Variants in MELTF observed in about 807,000 individuals in gnomAD.
MELTF encodes antigen p97 (melanoma associated) identified by monoclonal antibodies 133.2 and 96.5.
In MELTF, 67 loss-of-function variants were observed where a neutral mutation model predicts 83.7. That is an observed-to-expected ratio of 0.80 (90% CI 0.66 to 0.98). The LOEUF (loss-of-function observed/expected upper bound fraction) is 0.98, where lower values mean the gene tolerates loss of function less well. MELTF is among the 50% of genes least tolerant of loss of function. MELTF has a pLI of 0.00. For missense variants in MELTF, 1,002 were observed against 1,035.6 expected, an observed-to-expected ratio of 0.97 and a Z score of 0.44; for synonymous variants, 462 against 447.6, an observed-to-expected ratio of 1.03 and a Z score of -0.41.
Position 197,022,167 on chromosome 3 carries a change from G to T in MELTF, c.645-696C>A, listed in dbSNP as rs573502125. 1.3e-5 allele frequency among the ~76,000 whole-genome samples: 2 copies of T among 152,322 alleles called. No individual in the cohort carries two copies. The highest frequency in any genetic ancestry group is 3.9e-4 in the East Asian group (2 of 5,186). On this transcript the variant is annotated intron_variant, in intron 5 of 15. Transcript: ENST00000296350. This position sits in a 1 kb window ranked among gnomAD's most constrained non-coding sequence, Gnocchi z 5.1. ...TGTCACTGCCCAGTGTTGGAGGCAG[G>T]TCAGACCTCCTGGGCAAAGGGTCTG...
Position 197,011,044 on chromosome 3 carries a change from G to A in MELTF, c.1234-250C>T, listed in dbSNP as rs577926998. 6.6e-6 allele frequency among the ~76,000 whole-genome samples: 1 copy of A among 152,260 alleles called. No homozygotes were observed. The highest frequency in any genetic ancestry group is 2.1e-4 in the South Asian group (1 of 4,826). ...ACACCCACGCAGCACTCCTGCGCGT[G>A]GCCACCCAGGGTCCCCTGTGTCCCT... On this transcript the variant is annotated intron_variant, in intron 9 of 15. Coordinates refer to ENST00000296350, the MANE Select transcript of MELTF (RefSeq NM_005929.6). This position sits in a 1 kb window ranked among gnomAD's most constrained non-coding sequence, Gnocchi z 4.2.
rs200029027 is a variant in MELTF at position 197,021,475 on chromosome 3, C to A, written c.645-4G>T. 6.2e-7 allele frequency: 1 copy of A among 1,613,394 alleles called. No individual in the cohort carries two copies. Among genetic ancestry groups the A allele is most frequent in the African/African-American group, 1.3e-5 (1 of 74,940 alleles). ...CCCTGCCCCTTCCGCCAGGCACCTG[C>A]GGAGGAGAAGCTGTGGGTCTGGATG... On this transcript the variant is annotated splice_region_variant and splice_polypyrimidine_tract_variant and intron_variant, in intron 5 of 15. Coordinates refer to ENST00000296350, the MANE Select transcript of MELTF (RefSeq NM_005929.6).
At position 197,024,849 on chromosome 3, in the gene MELTF, GC is replaced by G. The variant is rs1373427997; in HGVS notation, c.305-365del. 6.6e-6 allele frequency among the ~76,000 whole-genome samples: 1 copy of G among 152,200 alleles called. No individual in the cohort carries two copies. The highest frequency in any genetic ancestry group is 1.5e-5 in the Non-Finnish European group (1 of 68,028). On this transcript the variant is annotated intron_variant, in intron 3 of 15. Coordinates refer to ENST00000296350, the MANE Select transcript of MELTF (RefSeq NM_005929.6). The surrounding 1 kb of genome is among the most constrained non-coding windows in gnomAD (Gnocchi z 5.3). ...AAGTCCTTGCTTTCCAAGAGCCTAG[GC>G]CCCTAGGAGAACTTGGAGGGTTTGG...
Position 197,007,302 on chromosome 3 carries a change from C to T in MELTF, c.1751-566G>A, listed in dbSNP as rs1719014071. On this transcript the variant is annotated intron_variant, in intron 13 of 15. Coordinates refer to ENST00000296350, the MANE Select transcript of MELTF (RefSeq NM_005929.6). This position sits in a 1 kb window ranked among gnomAD's most constrained non-coding sequence, Gnocchi z 4.3. ...CTCAAGAATCTGCATGTTAAACCAGCATCCCACTGATTCTAAAGCAGGCGG... is the reference window on the plus strand; with the variant it reads ...CTCAAGAATCTGCATGTTAAACCAGTATCCCACTGATTCTAAAGCAGGCGG... Among the ~76,000 whole-genome samples, 1 of 152,190 alleles carries T rather than the reference C, an allele frequency of 6.6e-6. No individual in the cohort carries two copies. Among genetic ancestry groups the T allele is most frequent in the East Asian group, 1.9e-4 (1 of 5,194 alleles).
chr3:197,009,977 C>T (rs932495192), intron 10 of MELTF, among the ~76,000 whole-genome samples, 165 bp from the exon 11 acceptor site: 2 of 152,240 alleles, frequency 1.3e-5, no homozygotes, highest in African/African-American at 2.4e-5. Flanking sequence ...GCAGGCCCAG[C>T]GGGGGCCCCT....
chr3:197,017,705 A>T (rs140103648), intron 6 of MELTF, among the ~76,000 whole-genome samples: 2 of 151,968 alleles, frequency 1.3e-5, no homozygotes, highest in African/African-American at 2.4e-5. Flanking sequence ...GTGAAACCCC[A>T]TCTCTACTAA....
intron 4 of MELTF, 62 bp from the exon 5 acceptor site, chr3:197,023,175 C>CTGCTG: frequency 6.5e-7 from 1 of 1,532,414 alleles, no homozygotes; most frequent in Non-Finnish European, 9.0e-7. Flanking sequence ...GCCAAGCCCC[C>CTGCTG]AGGGTCAGCA....
At position 197,022,323 on chromosome 3, in the gene MELTF, G is replaced by A. The variant is rs1560221555; in HGVS notation, c.644+634C>T. Among the ~76,000 whole-genome samples the A allele has an allele frequency of 6.6e-6, 1 of 152,124 alleles. No homozygotes were observed. The highest frequency in any genetic ancestry group is 1.5e-5 in the Non-Finnish European group (1 of 68,022). On this transcript the variant is annotated intron_variant, in intron 5 of 15. Transcript: ENST00000296350. The surrounding 1 kb of genome is among the most constrained non-coding windows in gnomAD (Gnocchi z 5.1). ...ATGGCCAAGGACACGGGGAGTGGAG[G>A]GGCAAGGCTGTCCCGCTCAGGGGTG...
intron 6 of MELTF, chr3:197,019,419 A>T: frequency 7.4e-7 from 1 of 1,345,648 alleles, no homozygotes; most frequent in Non-Finnish European, 9.6e-7. Flanking sequence ...TTAAAAAATG[A>T]CTCCCTTAGA....
Position 197,006,839 on chromosome 3 carries a change from T to C in MELTF, c.1751-103A>G. 1 of 1,070,246 alleles carries C rather than the reference T, an allele frequency of 9.3e-7. No individual in the cohort carries two copies. Among genetic ancestry groups the C allele is most frequent in the African/African-American group, 1.7e-5 (1 of 60,056 alleles). 66.3% of individuals were successfully genotyped at this position (1,070,246 alleles called of 1,614,324 possible). A position where few individuals can be genotyped will look rare whatever the true frequency, so the allele number is the denominator to read the frequency against. ...CCCCAAGGCCTTCACCACAGGGAGG[T>C]GGCAACATCTGGCCAGCTCCCCAAC... On this transcript the variant is annotated intron_variant, in intron 13 of 15. Coordinates refer to ENST00000296350, the MANE Select transcript of MELTF (RefSeq NM_005929.6). This position sits in a 1 kb window ranked among gnomAD's most constrained non-coding sequence, Gnocchi z 5.4.
intron 6 of MELTF, among the ~76,000 whole-genome samples, chr3:197,020,902 G>A (rs1257542641): frequency 6.6e-6 from 1 of 152,066 alleles, no homozygotes; most frequent in African/African-American, 2.4e-5. Context: ...TCCTGACCTC[G>A]TGATCCGCCC....
In MELTF at chr3:197,008,571, C is replaced by T; in HGVS notation, c.1750+86G>A. On this transcript the variant is annotated intron_variant, in intron 13 of 15. Transcript: ENST00000296350. This position sits in a 1 kb window ranked among gnomAD's most constrained non-coding sequence, Gnocchi z 5.4. ...AGCCTCTCTGAGCTGCTGCTTGGCC[C>T]CAGCCCAGCATGGTGTCTGGATGGT... 1 of 1,448,050 alleles carries T rather than the reference C, an allele frequency of 6.9e-7. No individual in the cohort carries two copies. The highest frequency in any genetic ancestry group is 9.5e-7 in the Non-Finnish European group (1 of 1,052,948). 89.7% of individuals were successfully genotyped at this position (1,448,050 alleles called of 1,614,324 possible).
chr3:197,005,773 G>A (rs900278748), intron 14 of MELTF, among the ~76,000 whole-genome samples: 2 of 152,218 alleles, frequency 1.3e-5, no homozygotes, highest in Non-Finnish European at 2.9e-5. Context: ...ACAGCTTCAG[G>A]GCCCTGGTGG....
At position 197,001,753 on chromosome 3, in the gene MELTF, C is replaced by T. The variant is rs911302290; in HGVS notation, c.*1619G>A. 1.3e-5 allele frequency: 2 copies of T among 151,928 alleles called. No homozygotes were observed. Among genetic ancestry groups the T allele is most frequent in the Non-Finnish European group, 2.9e-5 (2 of 68,008 alleles). The allele number at this position is 151,928 out of a possible 1,614,324, so 9.4% of individuals were successfully genotyped here. On this transcript the variant is annotated 3_prime_UTR_variant, in exon 16 of 16. Coordinates refer to ENST00000296350, the MANE Select transcript of MELTF (RefSeq NM_005929.6). ...CGGCAGCAGAAGTTTCTATCAGGGT[C>T]CAAGCCTCTGCATGTGCTGGCTTGT...
rs767247101 is a variant in MELTF at position 197,016,310 on chromosome 3, C to A, written c.960G>T (p.Gln320His). 7 of 1,612,688 alleles carry A rather than the reference C, an allele frequency of 4.3e-6. No homozygotes were observed. The highest frequency in any genetic ancestry group is 1.3e-5 in the African/African-American group (1 of 74,966). ...TAGAGTCTTTGAAGAGTAGATCCTT[C>A]TGGCCATAGGCCTCAGAGCTGAACA... ...FQMFSSEAYGQKDLLFKDSTS... is the reference protein window; with the variant it reads ...FQMFSSEAYGHKDLLFKDSTS... The change falls in exon 8 of 16, where the codon CAG (glutamine) becomes CAT (histidine). Residue 320 changes from glutamine (Q) to histidine (H), a missense_variant. Physicochemically the swap from Gln to His is conservative, Grantham distance 24. Transcript: ENST00000296350.
rs757664927 is a variant in MELTF at position 197,010,700 on chromosome 3, GCAT to G, written c.1325_1327del (p.Tyr442_Ala443delinsSer). On this transcript the variant is annotated inframe_deletion, in exon 10 of 16. Coordinates refer to ENST00000296350, the MANE Select transcript of MELTF (RefSeq NM_005929.6). ...CAGGCGGCAGGCCCTGCACTCACGGGCATAGTGCTCCCCGGCTGCGGGAACCAG... is the reference window on the plus strand; with the variant it reads ...CAGGCGGCAGGCCCTGCACTCACGGGAGTGCTCCCCGGCTGCGGGAACCAG... The G allele has an allele frequency of 3.0e-5, 49 of 1,612,240 alleles. No individual in the cohort carries two copies. The highest frequency in any genetic ancestry group is 3.7e-5 in the Non-Finnish European group (44 of 1,179,454).
Position 197,003,801 on chromosome 3 carries a change from C to A in MELTF, c.2137+100G>T. On this transcript the variant is annotated intron_variant, in intron 15 of 15. Coordinates refer to ENST00000296350, the MANE Select transcript of MELTF (RefSeq NM_005929.6). The surrounding 1 kb of genome is among the most constrained non-coding windows in gnomAD (Gnocchi z 6.2). The stretch of plus-strand genomic sequence containing the variant: ...CTGGACTGCTGCGAACGGGCCTCCA[C>A]CCGCCTCCCCGGACCCGCAGCGCCC... The A allele has an allele frequency of 7.5e-7, 1 of 1,331,416 alleles. No homozygotes were observed. The highest frequency in any genetic ancestry group is 1.0e-6 in the Non-Finnish European group (1 of 968,828). The allele number at this position is 1,331,416 out of a possible 1,614,324, so 82.5% of individuals were successfully genotyped here.
intron 10 of MELTF, 60 bp downstream of exon 10, chr3:197,010,638 T>G: frequency 1.4e-6 from 2 of 1,446,884 alleles, no homozygotes. Flanking sequence ...GGCACTCTTT[T>G]ATATTTATAA....
intron 7 of MELTF, 61 bp downstream of exon 7, chr3:197,017,042 G>T: frequency 1.3e-6 from 2 of 1,558,840 alleles, no homozygotes; most frequent in South Asian, 2.4e-5. Flanking sequence ...CCTGCTGAGC[G>T]ACCACAAGGC....
Sources: gnomAD v4.1 joint callset for allele counts (sites outside exome capture counted in the v4.1 genomes callset) on GRCh38, gnomAD v4.1.1 for gene constraint, Gnocchi (gnomAD v3.1) non-coding constraint, MANE v1.5 for transcripts, NCBI Gene and HGNC (gene_info 2026-07-23, HGNC 2026-07-21) for gene names.